Variants in RPGRIP1 observed in about 807,000 individuals in gnomAD.
RPGRIP1 encodes RPGR interacting protein 1.
In RPGRIP1, 128 loss-of-function variants were observed where a neutral mutation model predicts 157.9. The ratio of observed to expected loss-of-function variants is 0.81; its 90% confidence interval spans 0.70 to 0.94. RPGRIP1 has a LOEUF of 0.94. Ranked by LOEUF, RPGRIP1 falls within the 40% of genes least tolerant of loss-of-function variation. The pLI is 0.00. For synonymous variants in RPGRIP1, 554 were observed against 571.6 expected, an observed-to-expected ratio of 0.97 and a Z score of 0.44; for missense variants, 1,486 against 1,545.8, an observed-to-expected ratio of 0.96 and a Z score of 0.65.
Position 21,307,732 on chromosome 14 carries a change from G to T in RPGRIP1, c.802G>T (p.Ala268Ser). 6.5e-7 allele frequency: 1 copy of T among 1,548,250 alleles called. No individual in the cohort carries two copies. The highest frequency in any genetic ancestry group is 8.8e-7 in the Non-Finnish European group (1 of 1,140,496). ...ECAQKAAELRASIKEKVELIR... is the reference protein window; with the variant it reads ...ECAQKAAELRSSIKEKVELIR... The stretch of plus-strand genomic sequence containing the variant: ...ATAATTTAGCGCCTTTCTCTGCAGA[G>T]CTTCCATTAAAGAGAAGGTAGAGCT... Residue 268 changes from alanine (A) to serine (S), a missense_variant and splice_region_variant, in exon 7 of 25, where the codon GCT (alanine) becomes TCT (serine). Transcript: ENST00000400017.
chr14:21,333,176 T>C (rs1397355159), intron 20 of RPGRIP1, among the ~76,000 whole-genome samples: 3 of 152,200 alleles, frequency 2.0e-5, no homozygotes, highest in Non-Finnish European at 2.9e-5. Context: ...TGGTTTCAGA[T>C]GTCTGAGTGG....
Position 21,294,687 on chromosome 14 carries a change from G to C in RPGRIP1, c.96G>C (p.Met32Ile). Residue 32 changes from methionine to isoleucine, a missense_variant, in exon 3 of 25, where the codon ATG (methionine) becomes ATC (isoleucine). Coordinates refer to ENST00000400017, the MANE Select transcript of RPGRIP1 (RefSeq NM_020366.4). ...LVLPASKGKN[M>I]KTQPPLSRMN... ...TTTCTGGGACTTTAGGTAAGAATATGAAAACTCAACCACCCTTGAGCAGGA... is the reference window on the plus strand; with the variant it reads ...TTTCTGGGACTTTAGGTAAGAATATCAAAACTCAACCACCCTTGAGCAGGA... 1.9e-6 allele frequency: 3 copies of C among 1,613,280 alleles called. No homozygotes were observed. Among genetic ancestry groups the C allele is most frequent in the Non-Finnish European group, 2.5e-6 (3 of 1,179,656 alleles).
chr14:21,310,831 G>T (rs1162833973), intron 8 of RPGRIP1: 1 of 678,630 alleles, frequency 1.5e-6, no homozygotes, highest in African/African-American at 1.8e-5. Flanking sequence ...TTGTAGTTGA[G>T]AAATATTTGG....
intron 7 of RPGRIP1, among the ~76,000 whole-genome samples, chr14:21,308,827 C>T (rs1386834274): frequency 6.6e-6 from 1 of 152,154 alleles, no homozygotes; most frequent in African/African-American, 2.4e-5. Context: ...TTGCATAGGG[C>T]TCAGGGGATT....
chr14:21,350,376 C>CAAAA lies in RPGRIP1; in HGVS notation c.3749-711_3749-708dup, dbSNP rs765881214. On this transcript the variant is annotated intron_variant, in intron 24 of 24. Transcript: ENST00000400017. ...GGGTGACAGAACAAGACTCTGTCTC[C>CAAAA]AAAAAAAAAAAAAAAAAAAAGAAAA... Among the ~76,000 whole-genome samples, 8 of 22,196 alleles carry CAAAA rather than the reference C, an allele frequency of 3.6e-4. No homozygotes were observed. The South Asian group carries it at 5.0e-3, about 14-fold the overall frequency. The allele number at this position is 22,196 out of a possible 152,430, so 14.6% of individuals were successfully genotyped here. A position where few individuals can be genotyped will look rare whatever the true frequency, so the allele number is the denominator to read the frequency against.
In RPGRIP1 at chr14:21,329,504, CT is replaced by C. The variant is rs1400332697; in HGVS notation, c.3100-730del. On this transcript the variant is annotated intron_variant, in intron 19 of 24. Transcript: ENST00000400017. ...ATATATATTTTTAAACAAGTACTCA[CT>C]TTTTTTTTTTTTTTGAGACCGAGTC... 5.9e-3 allele frequency among the ~76,000 whole-genome samples: 818 copies of C among 137,512 alleles called. 7 individuals are homozygous for C. Among genetic ancestry groups the C allele is most frequent in the African/African-American group, 0.014 (542 of 38,006 alleles). 90.2% of individuals were successfully genotyped at this position (137,512 alleles called of 152,430 possible).
At chr14:21,281,640 G>A (rs1158005475) in intron 1 of RPGRIP1, among the ~76,000 whole-genome samples, 2 of 149,484 alleles carry the variant, frequency 1.3e-5, no homozygotes, top group East Asian at 3.9e-4. Flanking sequence ...AGTGAGGCGA[G>A]AGCATACCGC....
At chr14:21,285,885 G>A (rs1880280589) in intron 1 of RPGRIP1, among the ~76,000 whole-genome samples, 1 of 152,020 alleles carries the variant, frequency 6.6e-6, no homozygotes, top group South Asian at 2.1e-4. Flanking sequence ...AAATAAGGGA[G>A]GATGGGAGAG....
intron 16 of RPGRIP1, 179 bp from the exon 17 acceptor site, chr14:21,325,652 C>G (rs922989243): frequency 4.7e-6 from 3 of 639,704 alleles, no homozygotes; most frequent in South Asian, 2.1e-5. Context: ...GTGCCAGTAT[C>G]TCCCTGAAAT....
At chr14:21,300,731 T>A (rs1880987511) in intron 3 of RPGRIP1, among the ~76,000 whole-genome samples, 1 of 148,406 alleles carries the variant, frequency 6.7e-6, no homozygotes, top group Non-Finnish European at 1.5e-5. Context: ...TTTTTTTTTT[T>A]TACTAAGATA....
At chr14:21,334,500 T>C in intron 20 of RPGRIP1, 105 bp from the exon 21 acceptor site, 1 of 785,224 alleles carries the variant, frequency 1.3e-6, no homozygotes, top group Non-Finnish European at 2.2e-6. Flanking sequence ...ATCTAGACAC[T>C]CGGAACTAGT....
chr14:21,351,271 CT>C lies in RPGRIP1; in HGVS notation c.*56del. 9.0e-7 allele frequency: 1 copy of C among 1,116,712 alleles called. No individual in the cohort carries two copies. Among genetic ancestry groups the C allele is most frequent in the Non-Finnish European group, 1.3e-6 (1 of 750,376 alleles). 69.2% of individuals were successfully genotyped at this position (1,116,712 alleles called of 1,614,324 possible). A position where few individuals can be genotyped will look rare whatever the true frequency, so the allele number is the denominator to read the frequency against. On this transcript the variant is annotated 3_prime_UTR_variant, in exon 25 of 25. Transcript: ENST00000400017. ...CTCTGAGGGAACCATAGTAAAAAGT[CT>C]CTTATAAAGTTAGCTTGCTATAACA...
chr14:21,349,462 C>A (rs113191650), intron 24 of RPGRIP1, among the ~76,000 whole-genome samples: 1,887 of 147,190 alleles, frequency 0.013, 51 homozygotes, highest in African/African-American at 0.046. Context: ...GTGCAATGGA[C>A]CGATCTCAGC....
Position 21,303,414 on chromosome 14 carries a change from C to A in RPGRIP1, c.671C>A (p.Ala224Asp), listed in dbSNP as rs376060001. 6.2e-7 allele frequency: 1 copy of A among 1,613,694 alleles called. No homozygotes were observed. Among genetic ancestry groups the A allele is most frequent in the African/African-American group, 1.3e-5 (1 of 75,010 alleles). The stretch of plus-strand genomic sequence containing the variant: ...ATTGGTCTATGCATGCCTAACAGTG[C>A]CCACATCATGGCCAGCAATACCATG... Reference protein sequence around the residue: ...KPIGLCMPNSAHIMASNTMQV... With the variant: ...KPIGLCMPNSDHIMASNTMQV... Residue 224 changes from alanine to aspartate, a missense_variant, in exon 6 of 25, where the codon GCC becomes GAC. By Grantham distance (126) the Ala-to-Asp change is moderately radical (BLOSUM62 -2). Transcript: ENST00000400017.
At chr14:21,286,507 A>G (rs1474623166) in intron 1 of RPGRIP1, among the ~76,000 whole-genome samples, 2 of 151,792 alleles carry the variant, frequency 1.3e-5, no homozygotes, top group African/African-American at 2.4e-5. Flanking sequence ...TAAAAAAATA[A>G]GAAATTGGGC....
At chr14:21,349,765 A>G (rs1199356927) in intron 24 of RPGRIP1, among the ~76,000 whole-genome samples, 7 of 152,206 alleles carry the variant, frequency 4.6e-5, no homozygotes, top group Admixed American at 6.5e-5. Flanking sequence ...CATCTACTAT[A>G]GTAAATACAT....
chr14:21,325,548 T>C (rs1329223298), intron 16 of RPGRIP1, among the ~76,000 whole-genome samples, 165 bp downstream of exon 16: 1 of 152,250 alleles, frequency 6.6e-6, no homozygotes, highest in Non-Finnish European at 1.5e-5. Flanking sequence ...GGCTTGAGTC[T>C]GAAATGAAAG....
At chr14:21,327,601 T>C (rs1594220287) in intron 17 of RPGRIP1, 22 bp from the exon 18 acceptor site, 1 of 1,608,766 alleles carries the variant, frequency 6.2e-7, no homozygotes, top group East Asian at 2.2e-5. Context: ...TCAGGTCTTA[T>C]TAATATCTGT....
chr14:21,306,701 C>T (rs1881324689), intron 6 of RPGRIP1, among the ~76,000 whole-genome samples: 1 of 151,540 alleles, frequency 6.6e-6, no homozygotes, highest in Non-Finnish European at 1.5e-5. Context: ...TCGTGATCCA[C>T]CCGCCTCAGC....
Sources: allele counts gnomAD v4.1 joint callset (sites outside exome capture counted in the v4.1 genomes callset), GRCh38; gene constraint gnomAD v4.1.1; transcripts MANE v1.5; gene names NCBI Gene and HGNC (gene_info 2026-07-23, HGNC 2026-07-21).